MROH1: variants seen among roughly 807,000 people sequenced by gnomAD.
The protein encoded by MROH1 is maestro heat like repeat family member 1, also known as maestro heat-like repeat-containing protein family member 1.
Under a neutral mutation model 116.5 loss-of-function variants are expected in MROH1, and 117 were observed. The observed-to-expected ratio is 1.00, with a 90% CI of 0.86 to 1.17. The LOEUF (loss-of-function observed/expected upper bound fraction) is 1.17. Among genes scored for constraint, MROH1 ranks in the 50% most tolerant of loss-of-function variants. MROH1 has a pLI of 0.00. For missense variants in MROH1, 1,873 were observed against 1,338.5 expected (o/e 1.40, Z -6.23); for synonymous variants, 921 against 583.9 (o/e 1.58, Z -8.32).
At chr8:144,257,781 C>T (rs1844174052) in intron 35 of MROH1, among the ~76,000 whole-genome samples, 1 of 152,394 alleles carries the variant, frequency 6.6e-6, no homozygotes, top group African/African-American at 2.4e-5. Flanking sequence ...GCGGTCACCA[C>T]ACGGCCCGTG....
chr8:144,164,093 C>CTTTTT (rs776748346), intron 3 of MROH1, among the ~76,000 whole-genome samples: 20 of 135,238 alleles, frequency 1.5e-4, no homozygotes, highest in Non-Finnish European at 2.6e-4. Flanking sequence ...GTTTGTTTTA[C>CTTTTT]TTTTTTTTTT....
intron 37 of MROH1, 128 bp downstream of exon 37, chr8:144,259,482 G>A: frequency 1.5e-6 from 1 of 689,486 alleles, no homozygotes; most frequent in Non-Finnish European, 2.7e-6. Flanking sequence ...TTATGTGGAT[G>A]CTAGCTACCT....
In MROH1 at chr8:144,261,643, C is replaced by T; in HGVS notation, c.4841-12C>T. ...TCACAGCCCGCAGGCAGCCCCCCTC[C>T]TCTACCCCCAGCGCTCCAGATCCTG... On this transcript the variant is annotated splice_polypyrimidine_tract_variant and intron_variant, in intron 43 of 43. Transcript: ENST00000326134. 1 of 711,166 alleles carries T rather than the reference C, an allele frequency of 1.4e-6. No homozygotes were observed. The highest frequency in any genetic ancestry group is 2.6e-6 in the Non-Finnish European group (1 of 390,502). The allele number at this position is 711,166 out of a possible 1,614,324, so 44.1% of individuals were successfully genotyped here. A position where few individuals can be genotyped will look rare whatever the true frequency, so the allele number is the denominator to read the frequency against.
intron 11 of MROH1, 79 bp from the exon 12 acceptor site, chr8:144,200,349 G>T (rs1043964509): frequency 9.5e-6 from 11 of 1,160,106 alleles, no homozygotes; most frequent in Admixed American, 2.4e-5. Context: ...CTCCTCCCCT[G>T]TGCTGGAGAG....
At chr8:144,184,993 C>T (rs751600290) in intron 7 of MROH1, among the ~76,000 whole-genome samples, 9 of 152,182 alleles carry the variant, frequency 5.9e-5, no homozygotes, top group Non-Finnish European at 1.0e-4. Context: ...TGGTGAGTGA[C>T]AGGTGTGCAG....
intron 28 of MROH1, among the ~76,000 whole-genome samples, 164 bp from the exon 29 acceptor site, chr8:144,244,992 G>T (rs1841649914): frequency 6.6e-6 from 1 of 152,168 alleles, no homozygotes; most frequent in African/African-American, 2.4e-5. Context: ...GGCCAGAGGA[G>T]CTACGGTGGC....
intron 24 of MROH1, 49 bp downstream of exon 24, chr8:144,242,677 TCTC>T: frequency 1.3e-6 from 1 of 766,572 alleles, no homozygotes; most frequent in Admixed American, 1.8e-5. Flanking sequence ...TCCTCTCGGC[TCTC>T]CTCTGGGCGG....
chr8:144,250,434 C>A, intron 33 of MROH1, 68 bp downstream of exon 33: 1 of 710,896 alleles, frequency 1.4e-6, no homozygotes, highest in South Asian at 1.5e-5. Flanking sequence ...TGATGCTCCC[C>A]GAGCCCTCCA....
rs183735952 is a variant in MROH1 at position 144,178,935 on chromosome 8, A to G, written c.169-520A>G. On this transcript the variant is annotated intron_variant, in intron 4 of 43. Transcript: ENST00000326134. ...GGGGAGGATGAAGGCAGGTGGTTGG[A>G]CTCTGCGGAGGGTTAACCTGGGAGG... is the stretch of plus-strand genomic sequence containing the variant. 4.6e-5 allele frequency among the ~76,000 whole-genome samples: 7 copies of G among 151,098 alleles called. No homozygotes were observed. The East Asian group carries it at 1.4e-3, about 30-fold the overall frequency.
chr8:144,148,529 G>A (rs1312268167), intron 1 of MROH1: 1 of 152,516 alleles, frequency 6.6e-6, no homozygotes, highest in Admixed American at 6.5e-5. Context: ...TCCTCTCTCC[G>A]GGAAGCCAAG....
Position 144,241,403 on chromosome 8 carries a change from C to T in MROH1, c.2064C>T (p.Ala688=). ...YQEEAEREGL[A]CCFGICAISH... ...AGTGTGCTGCCCCCCAGGGCCTCGCCTGCTGCTTCGGGATCTGTGCCATCT... is the reference window on the plus strand; with the variant it reads ...AGTGTGCTGCCCCCCAGGGCCTCGCTTGCTGCTTCGGGATCTGTGCCATCT... Residue 688 remains alanine (A), a synonymous_variant, in exon 22 of 44, where the codon GCC becomes GCT. Coordinates refer to ENST00000326134, the MANE Select transcript of MROH1 (RefSeq NM_032450.3). 2 of 777,686 alleles carry T rather than the reference C, an allele frequency of 2.6e-6. No individual in the cohort carries two copies. Among genetic ancestry groups the T allele is most frequent in the Non-Finnish European group, 4.8e-6 (2 of 417,334 alleles). The allele number at this position is 777,686 out of a possible 1,614,324, so 48.2% of individuals were successfully genotyped here. A position where few individuals can be genotyped will look rare whatever the true frequency, so the allele number is the denominator to read the frequency against.
intron 34 of MROH1, 119 bp from the exon 35 acceptor site, chr8:144,255,390 G>A: frequency 1.5e-6 from 1 of 680,216 alleles, no homozygotes; most frequent in South Asian, 1.6e-5. Flanking sequence ...GCTGCAGCTG[G>A]GATCTGAGAC....
intron 14 of MROH1, among the ~76,000 whole-genome samples, chr8:144,232,917 C>T (rs972587532): frequency 5.3e-5 from 8 of 151,786 alleles, no homozygotes; most frequent in African/African-American, 1.7e-4. Context: ...GCCTCAACCT[C>T]GCAGGCTCAA....
intron 1 of MROH1, among the ~76,000 whole-genome samples, chr8:144,156,939 C>A (rs1271375901): frequency 6.6e-6 from 1 of 150,808 alleles, no homozygotes; most frequent in Non-Finnish European, 1.5e-5. Context: ...CACACCACCA[C>A]GCCTGGCTAA....
intron 10 of MROH1, 27 bp downstream of exon 10, chr8:144,192,428 T>C: frequency 1.9e-6 from 3 of 1,548,282 alleles, no homozygotes; most frequent in Non-Finnish European, 2.6e-6. Context: ...AGGGGGCGGG[T>C]CCAGGTTCTG....
At chr8:144,247,836 G>A (rs1404059967) in intron 31 of MROH1, among the ~76,000 whole-genome samples, 157 bp downstream of exon 31, 3 of 152,380 alleles carry the variant, frequency 2.0e-5, no homozygotes, top group South Asian at 2.1e-4. Flanking sequence ...AGTTGCCGGC[G>A]CTGCCCTGCG....
At position 144,163,970 on chromosome 8, in the gene MROH1, G is replaced by T. The variant is rs748704043; in HGVS notation, c.22+122G>T. On this transcript the variant is annotated intron_variant, in intron 3 of 43. Transcript: ENST00000326134. This position sits in a 1 kb window ranked among gnomAD's most constrained non-coding sequence, Gnocchi z 4.4. Reference sequence around the variant, plus strand: ...TAGAGTTTCCACCCTATACTCGGGAGCCTGAGTGGGTTCTGGGCAGGTTGG... The same window carrying T: ...TAGAGTTTCCACCCTATACTCGGGATCCTGAGTGGGTTCTGGGCAGGTTGG... 7.9e-6 allele frequency: 8 copies of T among 1,007,846 alleles called. No homozygotes were observed. The highest frequency in any genetic ancestry group is 1.2e-5 in the Non-Finnish European group (8 of 686,348). The allele number at this position is 1,007,846 out of a possible 1,614,324, so 62.4% of individuals were successfully genotyped here.
intron 10 of MROH1, among the ~76,000 whole-genome samples, chr8:144,197,172 C>T (rs1328092218): frequency 6.6e-6 from 1 of 152,140 alleles, no homozygotes; most frequent in Non-Finnish European, 1.5e-5. Flanking sequence ...GGGGGTCGCT[C>T]CAACTCAGGG....
chr8:144,222,283 G>C (rs1355256177), intron 13 of MROH1, among the ~76,000 whole-genome samples: 2 of 152,158 alleles, frequency 1.3e-5, no homozygotes, highest in Non-Finnish European at 2.9e-5. Flanking sequence ...CAGCTCTCTT[G>C]GAGTTGGGGT....
Sources: allele counts gnomAD v4.1 joint callset (sites outside exome capture counted in the v4.1 genomes callset), GRCh38; gene constraint gnomAD v4.1.1; non-coding constraint Gnocchi (gnomAD v3.1); transcripts MANE v1.5; gene names NCBI Gene and HGNC (gene_info 2026-07-23, HGNC 2026-07-21).